Variants in PLCH1 observed in about 807,000 individuals in gnomAD.
PLCH1 encodes the protein 1-phosphatidylinositol 4,5-bisphosphate phosphodiesterase eta-1.
PLCH1 carries 60 observed loss-of-function variants against 126.7 expected under a neutral mutation model. That is an observed-to-expected ratio of 0.47 (90% CI 0.38 to 0.59). The LOEUF is 0.59. PLCH1 is among the 20% of genes least tolerant of loss of function. PLCH1 has a pLI of 0.00. For synonymous variants in PLCH1, 719 were observed against 734.9 expected, an observed-to-expected ratio of 0.98 and a Z score of 0.35; for missense variants, 1,723 against 2,040.0, an observed-to-expected ratio of 0.84 and a Z score of 2.99.
chr3:155,485,214 G>T, intron 22 of PLCH1, 142 bp downstream of exon 22: 1 of 596,722 alleles, frequency 1.7e-6, no homozygotes, highest in Non-Finnish European at 2.9e-6. Flanking sequence ...AAATCTTCTG[G>T]TCTGGAAGAT....
In PLCH1 at chr3:155,457,489, C is replaced by G. The variant is rs1712480048; in HGVS notation, c.2938+27867G>C. The G allele has an allele frequency of 2.0e-5, 3 of 152,150 alleles. No homozygotes were observed. In the South Asian group the frequency reaches 6.2e-4, roughly 32 times the overall value. 9.4% of individuals were successfully genotyped at this position (152,150 alleles called of 1,614,324 possible). ...TTCTGAGGGTAAGGCCCTAAGCTAC[C>G]TGATTGCATGCCTCTGTAGTTGGTC... On this transcript the variant is annotated intron_variant, in intron 21 of 21. Transcript: ENST00000494598.
chr3:155,542,102 G>A (rs555840126), intron 10 of PLCH1, among the ~76,000 whole-genome samples: 17 of 152,350 alleles, frequency 1.1e-4, no homozygotes, highest in South Asian at 4.1e-4. Context: ...ATCGGGAAGC[G>A]CAAGGGGTCA....
At chr3:155,708,910 C>A (rs1194974937) in intron 1 of PLCH1, among the ~76,000 whole-genome samples, 1 of 152,138 alleles carries the variant, frequency 6.6e-6, no homozygotes, top group African/African-American at 2.4e-5. Context: ...AGTCTCATTG[C>A]CCTAAAGTCT....
chr3:155,551,235 A>G (rs917331785), intron 9 of PLCH1, among the ~76,000 whole-genome samples: 13 of 152,114 alleles, frequency 8.5e-5, no homozygotes, highest in African/African-American at 1.2e-4. Flanking sequence ...ACTTGAGGCC[A>G]GGAGTTCGAG....
intron 2 of PLCH1, among the ~76,000 whole-genome samples, chr3:155,679,409 G>A (rs563577261): frequency 6.6e-6 from 1 of 152,164 alleles, no homozygotes; most frequent in Non-Finnish European, 1.5e-5. Flanking sequence ...CTGCTGAAGA[G>A]TAAATGGGTG....
intron 9 of PLCH1, among the ~76,000 whole-genome samples, chr3:155,551,925 C>T (rs185733951): frequency 6.6e-6 from 1 of 152,118 alleles, no homozygotes; most frequent in Non-Finnish European, 1.5e-5. Context: ...AGGTGGCAGG[C>T]CTTCTCAACA....
At chr3:155,489,866 T>C (rs1396965175) in intron 19 of PLCH1, among the ~76,000 whole-genome samples, 6 of 152,162 alleles carry the variant, frequency 3.9e-5, no homozygotes, top group Non-Finnish European at 8.8e-5. Flanking sequence ...AGCCTCGAGC[T>C]AATGAAATAA....
At chr3:155,734,584 C>T (rs532458763) in intron 1 of PLCH1, among the ~76,000 whole-genome samples, 21 of 152,282 alleles carry the variant, frequency 1.4e-4, no homozygotes, top group African/African-American at 4.8e-4. Flanking sequence ...TCTTCACTCA[C>T]ATGTTCACTA....
At chr3:155,714,478 C>T (rs575798092) in intron 1 of PLCH1, among the ~76,000 whole-genome samples, 2 of 152,322 alleles carry the variant, frequency 1.3e-5, no homozygotes, top group East Asian at 3.9e-4. Flanking sequence ...TTGTTAAAGG[C>T]CTCTGCAAAC....
chr3:155,720,404 T>C (rs1303715809), intron 1 of PLCH1, among the ~76,000 whole-genome samples: 1 of 152,072 alleles, frequency 6.6e-6, no homozygotes, highest in Non-Finnish European at 1.5e-5. Flanking sequence ...TTTTTTATTA[T>C]TGCTGTTCTT....
At chr3:155,654,861 C>T (rs909527333) in intron 2 of PLCH1, among the ~76,000 whole-genome samples, 8 of 152,158 alleles carry the variant, frequency 5.3e-5, no homozygotes, top group African/African-American at 1.7e-4. Context: ...TCCAATTACC[C>T]TTAGGAAAAA....
At chr3:155,466,260 A>G (rs1035833044) in intron 21 of PLCH1, among the ~76,000 whole-genome samples, 1 of 152,206 alleles carries the variant, frequency 6.6e-6, no homozygotes, top group African/African-American at 2.4e-5. Flanking sequence ...CTTCACCCCC[A>G]GGTTTACGTG....
chr3:155,634,274 G>A (rs1264996920), intron 2 of PLCH1, among the ~76,000 whole-genome samples: 1 of 152,166 alleles, frequency 6.6e-6, no homozygotes, highest in Admixed American at 6.5e-5. Flanking sequence ...CAGCAGCAGC[G>A]TGTTGCTCTG....
intron 6 of PLCH1, among the ~76,000 whole-genome samples, chr3:155,576,156 A>C (rs1178062181): frequency 6.6e-6 from 1 of 152,210 alleles, no homozygotes; most frequent in East Asian, 1.9e-4. Context: ...CAGTGCCAAG[A>C]AATGGATAGG....
At chr3:155,660,379 A>G (rs1393332373) in intron 2 of PLCH1, among the ~76,000 whole-genome samples, 1 of 152,238 alleles carries the variant, frequency 6.6e-6, no homozygotes, top group Non-Finnish European at 1.5e-5. Flanking sequence ...TTTGAAATTG[A>G]GATGGAAGCA....
intron 1 of PLCH1, among the ~76,000 whole-genome samples, chr3:155,728,839 G>A (rs1402759776): frequency 6.6e-6 from 1 of 152,186 alleles, no homozygotes; most frequent in Non-Finnish European, 1.5e-5. Flanking sequence ...CTAAAGGAAT[G>A]AATATTTGGT....
chr3:155,590,802 A>G (rs1732060907), intron 4 of PLCH1, among the ~76,000 whole-genome samples: 1 of 152,156 alleles, frequency 6.6e-6, no homozygotes, highest in African/African-American at 2.4e-5. Flanking sequence ...AATTCTGACA[A>G]ATATGTATGA....
intron 7 of PLCH1, among the ~76,000 whole-genome samples, chr3:155,566,280 CATATATAT>C (rs1261617364): frequency 3.5e-5 from 1 of 28,238 alleles, no homozygotes; most frequent in South Asian, 7.2e-4. Flanking sequence ...TACATATATA[CATATATAT>C]ACGTATATAT....
At chr3:155,511,687 C>G (rs1027258658) in intron 12 of PLCH1, among the ~76,000 whole-genome samples, 1 of 141,910 alleles carries the variant, frequency 7.0e-6, no homozygotes, top group Non-Finnish European at 1.5e-5. Flanking sequence ...CAGGGACCCA[C>G]TTGAGGAGGC....
Sources: gnomAD v4.1 joint callset for allele counts (sites outside exome capture counted in the v4.1 genomes callset) on GRCh38, gnomAD v4.1.1 for gene constraint, MANE v1.5 for transcripts, NCBI Gene and HGNC (gene_info 2026-07-23, HGNC 2026-07-21) for gene names.